BABAM2: variants seen among roughly 807,000 people sequenced by gnomAD.
BABAM2 encodes BRISC and BRCA1-A complex member 2.
BABAM2 carries 31 observed loss-of-function variants against 54.7 expected under a neutral mutation model. That is an observed-to-expected ratio of 0.57 (90% CI 0.43 to 0.77). The LOEUF (loss-of-function observed/expected upper bound fraction) is 0.77, where lower values mean the gene tolerates loss of function less well. BABAM2 is among the 30% of genes least tolerant of loss of function. The pLI is 0.00. For missense variants in BABAM2, 364 were observed against 455.8 expected, an observed-to-expected ratio of 0.80 and a Z score of 1.83; for synonymous variants, 167 against 162.9, an observed-to-expected ratio of 1.03 and a Z score of -0.19.
chr2:28,155,783 A>G (rs1558389951), intron 7 of BABAM2, among the ~76,000 whole-genome samples: 1 of 152,180 alleles, frequency 6.6e-6, no homozygotes, highest in Non-Finnish European at 1.5e-5. Flanking sequence ...ACCCTGTACC[A>G]CACAGTTCCC....
At chr2:28,337,764 C>A (rs1275335965) in intron 11 of BABAM2, among the ~76,000 whole-genome samples, 1 of 152,198 alleles carries the variant, frequency 6.6e-6, no homozygotes, top group Non-Finnish European at 1.5e-5. Flanking sequence ...GCAGGAGGAT[C>A]CCTTGAGGCC....
chr2:28,109,076 A>G (rs1332406133), intron 6 of BABAM2, among the ~76,000 whole-genome samples: 1 of 152,154 alleles, frequency 6.6e-6, no homozygotes, highest in Non-Finnish European at 1.5e-5. Context: ...TATATAAAAC[A>G]GAATAGTAGC....
chr2:28,063,273 T>A (rs1187470863), intron 6 of BABAM2, among the ~76,000 whole-genome samples: 2 of 152,218 alleles, frequency 1.3e-5, no homozygotes, highest in Non-Finnish European at 2.9e-5. Context: ...TAGACAGCAC[T>A]GTCCAGTACC....
intron 4 of BABAM2, among the ~76,000 whole-genome samples, chr2:28,018,789 T>C (rs545780175): frequency 1.3e-5 from 2 of 152,298 alleles, no homozygotes; most frequent in Middle Eastern, 3.4e-3. Flanking sequence ...TTGTTGGCCA[T>C]TTGTATATCT....
At chr2:28,079,799 T>A (rs912287448) in intron 6 of BABAM2, among the ~76,000 whole-genome samples, 1 of 152,170 alleles carries the variant, frequency 6.6e-6, no homozygotes, top group Non-Finnish European at 1.5e-5. Flanking sequence ...GACAGTGTCA[T>A]AGACATTAGA....
intron 6 of BABAM2, among the ~76,000 whole-genome samples, chr2:28,127,546 A>T (rs1669663234): frequency 6.6e-6 from 1 of 152,190 alleles, no homozygotes; most frequent in Non-Finnish European, 1.5e-5. Flanking sequence ...GTAGAGTTCA[A>T]CAAGATTCTT....
At chr2:27,943,152 G>T (rs1410839858) in intron 3 of BABAM2, among the ~76,000 whole-genome samples, 1 of 152,202 alleles carries the variant, frequency 6.6e-6, no homozygotes, top group East Asian at 1.9e-4. Context: ...GACTATAGCT[G>T]TTGGCATTTT....
chr2:28,003,467 TG>T (rs1449951123), intron 4 of BABAM2, among the ~76,000 whole-genome samples: 1 of 152,160 alleles, frequency 6.6e-6, no homozygotes. Flanking sequence ...GGTGCGCACC[TG>T]TAATTGCACT....
intron 7 of BABAM2, among the ~76,000 whole-genome samples, chr2:28,134,854 C>T (rs1280931817): frequency 6.6e-6 from 1 of 152,132 alleles, no homozygotes; most frequent in African/African-American, 2.4e-5. Context: ...TAAGAGGGAT[C>T]AGAACAAATA....
intron 11 of BABAM2, among the ~76,000 whole-genome samples, chr2:28,327,762 C>G (rs1293523830): frequency 6.6e-6 from 1 of 152,180 alleles, no homozygotes; most frequent in African/African-American, 2.4e-5. Context: ...GGGCCTCTGC[C>G]TGAAGCTGTG....
In BABAM2 at chr2:28,112,147, T is replaced by TTCTTTCTTTCTTTCTTTCCTTCCC. The variant is rs1558346715; in HGVS notation, c.571-17123_571-17122insCTTTCTTTCTTTCTTTCCTTCCCT. On this transcript the variant is annotated intron_variant, in intron 6 of 11. Coordinates refer to ENST00000379624, the MANE Select transcript of BABAM2 (RefSeq NM_199191.3). ...TTTCTTTCTTTCTTTCTTTCTTTCT[T>TTCTTTCTTTCTTTCTTTCCTTCCC]TACCTCCCTCCCTCCCTCCCTCCCT... Among the ~76,000 whole-genome samples, 14 of 5,248 alleles carry TTCTTTCTTTCTTTCTTTCCTTCCC rather than the reference T, an allele frequency of 2.7e-3. 2 individuals are homozygous for TTCTTTCTTTCTTTCTTTCCTTCCC. The highest frequency in any genetic ancestry group is 3.8e-3 in the Non-Finnish European group (12 of 3,156). The allele number at this position is 5,248 out of a possible 152,430, so 3.4% of individuals were successfully genotyped here.
At position 28,148,425 on chromosome 2, in the gene BABAM2, T is replaced by C. The variant is rs184517747; in HGVS notation, c.680+19045T>C. 4.6e-5 allele frequency among the ~76,000 whole-genome samples: 7 copies of C among 152,364 alleles called. No individual in the cohort carries two copies. In the East Asian group the frequency reaches 1.2e-3, roughly 25 times the overall value. On this transcript the variant is annotated intron_variant, in intron 7 of 11. Transcript: ENST00000379624. Reference sequence around the variant, plus strand: ...TTGGACTCTGGAACGTGTTTTGCCATGGAAACCATTTAGTACATAGTTGGG... The same window carrying C: ...TTGGACTCTGGAACGTGTTTTGCCACGGAAACCATTTAGTACATAGTTGGG...
At chr2:28,333,041 G>A (rs975567614) in intron 11 of BABAM2, among the ~76,000 whole-genome samples, 4 of 152,042 alleles carry the variant, frequency 2.6e-5, no homozygotes, top group African/African-American at 7.2e-5. Flanking sequence ...CGGCACACAC[G>A]CGTTCTTCTG....
Position 28,237,193 on chromosome 2 carries a change from T to C in BABAM2, c.681-9T>C, listed in dbSNP as rs1405967919. ...AAGAGAAGTGTCCATTGTACTCTTG[T>C]CCTTTCAGTGCACTTGGAGGCTCCT... On this transcript the variant is annotated splice_polypyrimidine_tract_variant and intron_variant, in intron 7 of 11. Coordinates refer to ENST00000379624, the MANE Select transcript of BABAM2 (RefSeq NM_199191.3). 2 of 1,609,516 alleles carry C rather than the reference T, an allele frequency of 1.2e-6. 1 individual carries two copies. The highest frequency in any genetic ancestry group is 3.3e-5 in the Admixed American group (2 of 60,012).
chr2:28,234,694 G>A (rs1374924519), intron 7 of BABAM2, among the ~76,000 whole-genome samples: 1 of 152,114 alleles, frequency 6.6e-6, no homozygotes, highest in Non-Finnish European at 1.5e-5. Context: ...TATTCAACCT[G>A]TACCTACAGG....
chr2:28,295,351 A>G (rs62139154), intron 10 of BABAM2, among the ~76,000 whole-genome samples: 38,012 of 152,082 alleles, frequency 0.25, 6,018 homozygotes, highest in Non-Finnish European at 0.36. Flanking sequence ...ATTGAGTTCT[A>G]CTGTTTAAAA....
chr2:28,318,624 G>C (rs904346066), intron 11 of BABAM2, among the ~76,000 whole-genome samples: 3 of 152,212 alleles, frequency 2.0e-5, no homozygotes, highest in Non-Finnish European at 4.4e-5. Context: ...AACAAAGCAT[G>C]CTTTGAGATT....
chr2:27,894,581 C>G lies in BABAM2; in HGVS notation c.25C>G (p.Arg9Gly). The G allele has an allele frequency of 6.2e-7, 1 of 1,613,956 alleles. No individual in the cohort carries two copies. MSPEVALN[R>G]ISPMLSPFIS... is the part of the protein sequence containing the mutation. ...AATGTCCCCAGAAGTGGCCTTGAAC[C>G]GAATATCTCCAATGCTCTCCCCTTT... The change falls in exon 2 of 12, where the codon CGA (arginine) becomes GGA (glycine). Residue 9 changes from arginine to glycine, a missense_variant. By Grantham distance (125) the Arg-to-Gly change is moderately radical (BLOSUM62 -2). Transcript: ENST00000379624.
chr2:27,975,433 A>G (rs1671521557), intron 3 of BABAM2, among the ~76,000 whole-genome samples: 1 of 152,102 alleles, frequency 6.6e-6, no homozygotes, highest in African/African-American at 2.4e-5. Flanking sequence ...CCATATAAAT[A>G]TGGTCAATGA....
Sources: gnomAD v4.1 joint callset for allele counts (sites outside exome capture counted in the v4.1 genomes callset) on GRCh38, gnomAD v4.1.1 for gene constraint, MANE v1.5 for transcripts, NCBI Gene and HGNC (gene_info 2026-07-23, HGNC 2026-07-21) for gene names.